Variants in ARHGAP26 observed in about 807,000 individuals in gnomAD.
ARHGAP26 encodes Rho GTPase activating protein 26.
Under a neutral mutation model 104.8 loss-of-function variants are expected in ARHGAP26, and 38 were observed. The observed-to-expected ratio is 0.36, with a 90% CI of 0.28 to 0.48. The LOEUF (loss-of-function observed/expected upper bound fraction) is 0.48, where lower values mean the gene tolerates loss of function less well. ARHGAP26 is among the 20% of genes least tolerant of loss of function. ARHGAP26 has a pLI of 0.99. For missense variants in ARHGAP26, 704 were observed against 947.9 expected, an observed-to-expected ratio of 0.74 and a Z score of 3.38; for synonymous variants, 341 against 340.0, an observed-to-expected ratio of 1.00 and a Z score of -0.03.
chr5:142,890,146 AAAAAAAT>A (rs1758331779), intron 5 of ARHGAP26, among the ~76,000 whole-genome samples: 3 of 89,226 alleles, frequency 3.4e-5, no homozygotes, highest in African/African-American at 4.5e-5. Flanking sequence ...TAAAAAAAAA[AAAAAAAT>A]ATATATATAT....
intron 11 of ARHGAP26, among the ~76,000 whole-genome samples, chr5:143,007,433 G>A (rs1486015450): frequency 1.3e-5 from 2 of 152,138 alleles, no homozygotes; most frequent in African/African-American, 4.8e-5. Context: ...TAGAATTCCT[G>A]TTATGCTTAA....
chr5:143,147,470 A>G, intron 20 of ARHGAP26, 89 bp downstream of exon 20: 1 of 1,454,242 alleles, frequency 6.9e-7, no homozygotes, highest in Admixed American at 2.1e-5. Flanking sequence ...CTGACTTTGG[A>G]CCATTATCCC....
Position 143,056,093 on chromosome 5 carries a change from C to A in ARHGAP26, c.1432+7C>A. The A allele has an allele frequency of 6.2e-7, 1 of 1,610,932 alleles. No individual in the cohort carries two copies. Among genetic ancestry groups the A allele is most frequent in the Non-Finnish European group, 8.5e-7 (1 of 1,177,686 alleles). The stretch of plus-strand genomic sequence containing the variant: ...AGTTTCATCAAAGCAGCAAGTAAGT[C>A]TTTTTTGTCTCAGTTTTAAGGGGAA... On this transcript the variant is annotated splice_region_variant and intron_variant, in intron 16 of 22. Transcript: ENST00000645722.
chr5:142,937,237 A>ACC (rs1287926050), intron 11 of ARHGAP26, among the ~76,000 whole-genome samples: 1 of 152,244 alleles, frequency 6.6e-6, no homozygotes, highest in African/African-American at 2.4e-5. Flanking sequence ...CCAATTAGAA[A>ACC]AAGGGCAAAA....
At chr5:142,853,341 T>C (rs12517878) in intron 1 of ARHGAP26, among the ~76,000 whole-genome samples, 21,900 of 152,028 alleles carry the variant, frequency 0.14, 2,329 homozygotes, top group East Asian at 0.47. Flanking sequence ...CAGGCATGTG[T>C]CACCACATCC....
chr5:142,986,620 G>C (rs1774776688), intron 11 of ARHGAP26, among the ~76,000 whole-genome samples: 1 of 152,158 alleles, frequency 6.6e-6, no homozygotes, highest in Non-Finnish European at 1.5e-5. Context: ...TTTTCTTCTA[G>C]GGTTTTTATG....
chr5:142,770,697 C>G lies in ARHGAP26; in HGVS notation c.-65C>G. 9.3e-7 allele frequency: 1 copy of G among 1,079,776 alleles called. No homozygotes were observed. The highest frequency in any genetic ancestry group is 1.1e-6 in the Non-Finnish European group (1 of 884,478). 66.9% of individuals were successfully genotyped at this position (1,079,776 alleles called of 1,614,324 possible). ...CGGCCGGGGTCCCGCCGCGTGAGTG[C>G]TCTGGGCGGCGGGCGGCCCGGGCCC... On this transcript the variant is annotated 5_prime_UTR_variant, in exon 1 of 23. Transcript: ENST00000645722.
intron 11 of ARHGAP26, among the ~76,000 whole-genome samples, chr5:143,000,766 C>G (rs904361686): frequency 3.3e-4 from 50 of 152,266 alleles, no homozygotes; most frequent in Middle Eastern, 3.4e-3. Flanking sequence ...TCTCAGCAGA[C>G]TAACATAGGA....
intron 19 of ARHGAP26, among the ~76,000 whole-genome samples, chr5:143,145,615 T>C (rs1032879538): frequency 1.3e-5 from 2 of 152,258 alleles, no homozygotes; most frequent in Non-Finnish European, 2.9e-5. Flanking sequence ...CTGTTAGTCC[T>C]CCTACATCTT....
rs185053954 is a variant in ARHGAP26 at position 143,138,278 on chromosome 5, C to G, written c.1837+4173C>G. Among the ~76,000 whole-genome samples the G allele has an allele frequency of 3.9e-5, 6 of 152,206 alleles. No homozygotes were observed. In the East Asian group the frequency reaches 1.2e-3, roughly 29 times the overall value. ...TTAGGTCAGTTATAAGACAGCAAGT[C>G]GCTCCTCATATCATAGGCAATGTGT... On this transcript the variant is annotated intron_variant, in intron 19 of 22. Coordinates refer to ENST00000645722, the MANE Select transcript of ARHGAP26 (RefSeq NM_001135608.3).
chr5:142,856,529 G>T (rs1752378321), intron 1 of ARHGAP26, among the ~76,000 whole-genome samples: 1 of 152,210 alleles, frequency 6.6e-6, no homozygotes, highest in Admixed American at 6.5e-5. Context: ...CCCTAAGGAG[G>T]GAGGTGTATT....
intron 1 of ARHGAP26, among the ~76,000 whole-genome samples, chr5:142,814,254 A>G (rs549676824): frequency 6.6e-6 from 1 of 152,382 alleles, no homozygotes; most frequent in Admixed American, 6.5e-5. Context: ...CACCATGGCT[A>G]GAGCCTTCCG....
At chr5:143,007,264 T>C (rs245849) in intron 11 of ARHGAP26, among the ~76,000 whole-genome samples, 143,125 of 151,412 alleles carry the variant, frequency 0.95, 67,883 homozygotes, top group Non-Finnish European at 0.99. Flanking sequence ...TTCTAATGTG[T>C]TCAACTGAGA....
At chr5:142,987,977 A>C (rs932701383) in intron 11 of ARHGAP26, among the ~76,000 whole-genome samples, 2 of 152,212 alleles carry the variant, frequency 1.3e-5, no homozygotes, top group Admixed American at 6.5e-5. Context: ...TGTCTCTGCC[A>C]GGCTTTGGTA....
intron 20 of ARHGAP26, among the ~76,000 whole-genome samples, chr5:143,204,288 C>T (rs1808219111): frequency 6.6e-6 from 1 of 151,812 alleles, no homozygotes; most frequent in Non-Finnish European, 1.5e-5. Flanking sequence ...TTTGGGAGGC[C>T]AAGGTGGGTG....
At chr5:143,116,283 G>A (rs1392435498) in intron 17 of ARHGAP26, among the ~76,000 whole-genome samples, 2 of 152,200 alleles carry the variant, frequency 1.3e-5, no homozygotes, top group Non-Finnish European at 2.9e-5. Context: ...ATTGGAAGGT[G>A]AAGCAAACAA....
intron 16 of ARHGAP26, among the ~76,000 whole-genome samples, chr5:143,056,917 T>C (rs1785910941): frequency 6.6e-6 from 1 of 152,220 alleles, no homozygotes; most frequent in Non-Finnish European, 1.5e-5. Context: ...GGAGCGAAGA[T>C]GGTGTTTATG....
intron 11 of ARHGAP26, among the ~76,000 whole-genome samples, chr5:142,961,147 A>G (rs1227065033): frequency 6.6e-6 from 1 of 152,146 alleles, no homozygotes; most frequent in East Asian, 1.9e-4. Context: ...TTCCATGTCT[A>G]GATCAGAGCC....
intron 1 of ARHGAP26, among the ~76,000 whole-genome samples, chr5:142,834,773 G>T (rs1386308027): frequency 6.6e-6 from 1 of 152,234 alleles, no homozygotes; most frequent in Non-Finnish European, 1.5e-5. Context: ...GCCAAAACAA[G>T]TCACAAGGGA....
Sources: gnomAD v4.1 joint callset for allele counts (sites outside exome capture counted in the v4.1 genomes callset) on GRCh38, gnomAD v4.1.1 for gene constraint, MANE v1.5 for transcripts, NCBI Gene and HGNC (gene_info 2026-07-23, HGNC 2026-07-21) for gene names.